The following DPYD variants were observed in gnomAD, a reference collection of about 807,000 sequenced individuals.
DPYD encodes the protein dihydropyrimidine dehydrogenase [NADP(+)].
Under a neutral mutation model 116.2 loss-of-function variants are expected in DPYD, and 109 were observed. The observed-to-expected ratio is 0.94, with a 90% confidence interval of 0.80 to 1.10. The LOEUF (loss-of-function observed/expected upper bound fraction) is 1.10, where lower values mean the gene tolerates loss of function less well. Ranked by LOEUF, DPYD falls within the 50% of genes least tolerant of loss-of-function variation. DPYD has a pLI of 0.00. For synonymous variants in DPYD, 440 were observed against 432.0 expected (o/e 1.02, Z -0.23); for missense variants, 1,302 against 1,254.5 (o/e 1.04, Z -0.57).
At chr1:97,547,096 G>A (rs1372363157) in intron 12 of DPYD, 3 of 849,232 alleles carry the variant, frequency 3.5e-6, no homozygotes, top group Non-Finnish European at 4.0e-6. Flanking sequence ...AGAAATGGGT[G>A]CATAATATAA....
intron 11 of DPYD, among the ~76,000 whole-genome samples, chr1:97,551,096 TGATG>T (rs1651288090): frequency 6.6e-6 from 1 of 152,166 alleles, no homozygotes; most frequent in Admixed American, 6.6e-5. Flanking sequence ...TCAATTGGAT[TGATG>T]GATGAATGAA....
chr1:97,548,897 T>C (rs1007659928), intron 12 of DPYD, among the ~76,000 whole-genome samples: 2 of 152,112 alleles, frequency 1.3e-5, no homozygotes, highest in African/African-American at 4.8e-5. Context: ...TTTTGGAGTA[T>C]GTAAGATTAT....
chr1:97,760,246 A>T (rs1665498761), intron 3 of DPYD, among the ~76,000 whole-genome samples: 1 of 152,118 alleles, frequency 6.6e-6, no homozygotes. Flanking sequence ...TTTTGTTGTA[A>T]AACTTTTATT....
intron 9 of DPYD, among the ~76,000 whole-genome samples, chr1:97,594,238 T>C (rs933793160): frequency 6.6e-6 from 1 of 152,208 alleles, no homozygotes; most frequent in Non-Finnish European, 1.5e-5. Context: ...AGATTTTGTA[T>C]TTGGGACACT....
intron 3 of DPYD, among the ~76,000 whole-genome samples, chr1:97,749,760 G>C (rs1249780474): frequency 2.6e-5 from 4 of 151,838 alleles, no homozygotes; most frequent in African/African-American, 9.7e-5. Flanking sequence ...TGCAAACCAA[G>C]ATATTGTTCC....
intron 12 of DPYD, among the ~76,000 whole-genome samples, chr1:97,539,847 C>G (rs1011866108): frequency 6.6e-6 from 1 of 152,076 alleles, no homozygotes. Flanking sequence ...CAAGTTTTTT[C>G]TCAGTGGCAG....
At chr1:97,193,750 G>A (rs1658553757) in intron 19 of DPYD, among the ~76,000 whole-genome samples, 1 of 151,626 alleles carries the variant, frequency 6.6e-6, no homozygotes, top group African/African-American at 2.4e-5. Flanking sequence ...TGTTCTCCTT[G>A]TTGTCAACTA....
chr1:97,427,856 T>C (rs1233092610), intron 14 of DPYD, among the ~76,000 whole-genome samples: 1 of 152,088 alleles, frequency 6.6e-6, no homozygotes, highest in African/African-American at 2.4e-5. Context: ...ATCAAACCAT[T>C]TCATTACATA....
intron 16 of DPYD, among the ~76,000 whole-genome samples, chr1:97,335,323 C>T (rs1669230639): frequency 6.6e-6 from 1 of 151,408 alleles, no homozygotes; most frequent in African/African-American, 2.4e-5. Flanking sequence ...CACACACACA[C>T]ACACACACAC....
intron 19 of DPYD, among the ~76,000 whole-genome samples, chr1:97,228,876 G>A (rs2100724590): frequency 6.6e-6 from 1 of 152,186 alleles, no homozygotes; most frequent in East Asian, 1.9e-4. Context: ...TGAGCTGTAT[G>A]AAAAAGATTC....
At chr1:97,090,114 A>G (rs1649801412) in intron 21 of DPYD, among the ~76,000 whole-genome samples, 1 of 152,134 alleles carries the variant, frequency 6.6e-6, no homozygotes, top group Admixed American at 6.5e-5. Flanking sequence ...TGAGTTTACC[A>G]TTTTGATGTC....
At chr1:97,136,338 T>C (rs949840115) in intron 20 of DPYD, among the ~76,000 whole-genome samples, 3 of 152,184 alleles carry the variant, frequency 2.0e-5, no homozygotes, top group African/African-American at 7.2e-5. Context: ...GTCTTCGCAA[T>C]CACCCTATGA....
chr1:97,259,808 T>C (rs1237812242), intron 18 of DPYD, among the ~76,000 whole-genome samples: 1 of 152,174 alleles, frequency 6.6e-6, no homozygotes, highest in Admixed American at 6.6e-5. Flanking sequence ...TCTATATCTG[T>C]ACAAGTCAGA....
chr1:97,316,179 A>C (rs1306151108), intron 16 of DPYD, among the ~76,000 whole-genome samples: 1 of 151,930 alleles, frequency 6.6e-6, no homozygotes, highest in Non-Finnish European at 1.5e-5. Flanking sequence ...GATGCAATCA[A>C]TGACAAACCC....
chr1:97,781,497 C>G (rs1290168599), intron 3 of DPYD, among the ~76,000 whole-genome samples: 1 of 152,170 alleles, frequency 6.6e-6, no homozygotes, highest in Non-Finnish European at 1.5e-5. Flanking sequence ...GACATCCTTT[C>G]AACATCATTA....
chr1:97,487,545 C>T lies in DPYD; in HGVS notation c.1740+28181G>A, dbSNP rs544280605. Among the ~76,000 whole-genome samples, 8 of 152,136 alleles carry T rather than the reference C, an allele frequency of 5.3e-5. No individual in the cohort carries two copies. The East Asian group carries it at 9.7e-4, about 18-fold the overall frequency. On this transcript the variant is annotated intron_variant, in intron 13 of 22. Coordinates refer to ENST00000370192, the MANE Select transcript of DPYD (RefSeq NM_000110.4). ...AAAATTAGCCGGGTGTGGTGGCGGG[C>T]ACCTGTAGTCCCAGCTACTCGGGAG...
In DPYD at chr1:97,576,436, GCTAT is replaced by G. The variant is rs1653266071; in HGVS notation, c.1129-2470_1129-2467del. On this transcript the variant is annotated intron_variant, in intron 10 of 22. Transcript: ENST00000370192. ...ATCTGTTTGATCCCACTCTATCTTT[GCTAT>G]CTATTAATACCTCTACAGTATCTGT... Among the ~76,000 whole-genome samples the G allele has an allele frequency of 3.9e-5, 6 of 152,100 alleles. No homozygotes were observed. In the South Asian group the frequency reaches 1.2e-3, roughly 32 times the overall value.
chr1:97,084,142 G>A (rs967329219), intron 21 of DPYD, among the ~76,000 whole-genome samples: 2 of 151,812 alleles, frequency 1.3e-5, no homozygotes, highest in Non-Finnish European at 2.9e-5. Context: ...TTAGGCACAG[G>A]CTTACCACGC....
At chr1:97,731,393 T>C (rs1489900729) in intron 4 of DPYD, among the ~76,000 whole-genome samples, 1 of 152,072 alleles carries the variant, frequency 6.6e-6, no homozygotes, top group Non-Finnish European at 1.5e-5. Flanking sequence ...CTTTAAAAAT[T>C]TTAATTTTTC....
Sources: allele counts gnomAD v4.1 joint callset (sites outside exome capture counted in the v4.1 genomes callset), GRCh38; gene constraint gnomAD v4.1.1; transcripts MANE v1.5; gene names NCBI Gene and HGNC (gene_info 2026-07-23, HGNC 2026-07-21).